The following WHR1 variants were observed in gnomAD, a reference collection of about 807,000 sequenced individuals.
The protein encoded by WHR1 is winged helix repair factor 1, also known as MHC class III HLA-RP1.
At chr6:31,972,692 C>T in the WHR1 span, 1 of 1,613,796 alleles carries the variant, frequency 6.2e-7, no homozygotes, top group Non-Finnish European at 8.5e-7. This position sits in a 1 kb window ranked among gnomAD's most constrained non-coding sequence, Gnocchi z 6.3. Flanking sequence ...CGCGCTGCCG[C>T]CCATCGTGCT....
chr6:31,976,036 G>A, the WHR1 span, among the ~76,000 whole-genome samples: 92 of 147,660 alleles, frequency 6.2e-4, 1 homozygote, highest in Non-Finnish European at 9.2e-4. Context: ...GGGCGGGGGG[G>A]GCTGACCCCA....
chr6:31,979,293 G>A, the WHR1 span: 6 of 1,319,272 alleles, frequency 4.5e-6, no homozygotes, highest in Non-Finnish European at 6.2e-6. Flanking sequence ...GAAGAAGAAG[G>A]GTATGAGAGG....
the WHR1 span, among the ~76,000 whole-genome samples, chr6:31,976,605 G>A: frequency 6.6e-6 from 1 of 152,102 alleles, no homozygotes; most frequent in Non-Finnish European, 1.5e-5. Context: ...GACGATGGGC[G>A]GCCAGGCAGA....
the WHR1 span, chr6:31,971,747 A>C: frequency 0.013 from 19,766 of 1,470,190 alleles, 178 homozygotes; most frequent in Non-Finnish European, 0.016. This position sits in a 1 kb window ranked among gnomAD's most constrained non-coding sequence, Gnocchi z 4.5. Context: ...TGACTGGTTT[A>C]GGACTAAGCG....
the WHR1 span, chr6:31,971,681 C>T: frequency 2.5e-6 from 4 of 1,599,298 alleles, no homozygotes; most frequent in Non-Finnish European, 2.5e-6. This position sits in a 1 kb window ranked among gnomAD's most constrained non-coding sequence, Gnocchi z 4.5. Flanking sequence ...TCCATGAGGT[C>T]CTAAGACAAG....
the WHR1 span, among the ~76,000 whole-genome samples, chr6:31,976,817 G>A: frequency 2.0e-4 from 30 of 152,362 alleles, no homozygotes; most frequent in African/African-American, 6.0e-4. Flanking sequence ...CGAGGCTGGC[G>A]GATCACTCGC....
At chr6:31,971,599 G>A in the WHR1 span, 1 of 1,613,492 alleles carries the variant, frequency 6.2e-7, no homozygotes, top group Non-Finnish European at 8.5e-7. This position sits in a 1 kb window ranked among gnomAD's most constrained non-coding sequence, Gnocchi z 4.5. Flanking sequence ...CAGAGAAGGT[G>A]CTGGACGAGG....
At chr6:31,976,784 G>A in the WHR1 span, among the ~76,000 whole-genome samples, 1 of 152,384 alleles carries the variant, frequency 6.6e-6, no homozygotes, top group South Asian at 2.1e-4. Flanking sequence ...GACACCGTCT[G>A]CAATCGCGGC....
At chr6:31,975,984 C>G in the WHR1 span, among the ~76,000 whole-genome samples, 2 of 139,778 alleles carry the variant, frequency 1.4e-5, no homozygotes. Context: ...TAGGGGCGGC[C>G]GGGCAGAGGC....
At chr6:31,978,324 G>T in the WHR1 span, among the ~76,000 whole-genome samples, 1 of 150,248 alleles carries the variant, frequency 6.7e-6, no homozygotes, top group Admixed American at 6.6e-5. Flanking sequence ...TGTGGCGGGT[G>T]GGGGGGTCTC....
chr6:31,979,046 G>C, the WHR1 span: 9 of 1,581,324 alleles, frequency 5.7e-6, 1 homozygote, highest in South Asian at 4.4e-5. Context: ...GCACAGGTTG[G>C]GGGAGACAGG....
the WHR1 span, chr6:31,972,171 C>A: frequency 6.2e-7 from 1 of 1,611,936 alleles, no homozygotes; most frequent in Non-Finnish European, 8.5e-7. This position sits in a 1 kb window ranked among gnomAD's most constrained non-coding sequence, Gnocchi z 6.3. Flanking sequence ...TTGGAGGGAG[C>A]CAATCCGCGG....
At chr6:31,972,166 G>A in the WHR1 span, 2 of 1,612,436 alleles carry the variant, frequency 1.2e-6, no homozygotes, top group Non-Finnish European at 8.5e-7. The surrounding 1 kb of genome is among the most constrained non-coding windows in gnomAD (Gnocchi z 6.3). Flanking sequence ...TGCCCTTGGA[G>A]GGAGCCAATC....
the WHR1 span, chr6:31,971,934 A>C: frequency 2.0e-4 from 313 of 1,546,518 alleles, no homozygotes; most frequent in Non-Finnish European, 2.5e-4. This position sits in a 1 kb window ranked among gnomAD's most constrained non-coding sequence, Gnocchi z 4.5. Context: ...GTTACCTCAA[A>C]GCTCCCCAAC....
chr6:31,979,416 C>A, the WHR1 span: 1 of 1,612,754 alleles, frequency 6.2e-7, no homozygotes, highest in South Asian at 1.1e-5. Flanking sequence ...GCTTGTAGGT[C>A]CTCAAGGCCT....
the WHR1 span, chr6:31,972,128 A>T: frequency 6.2e-7 from 1 of 1,612,786 alleles, no homozygotes; most frequent in Non-Finnish European, 8.5e-7. The surrounding 1 kb of genome is among the most constrained non-coding windows in gnomAD (Gnocchi z 6.3). Context: ...GCGCCCCTCC[A>T]CGCCGCCAAC....
chr6:31,979,683 G>T, the WHR1 span: 934,293 of 1,285,820 alleles, frequency 0.73, 344,962 homozygotes, highest in African/African-American at 0.92. Flanking sequence ...GACTCTTCTT[G>T]TTAATAAAAT....
At chr6:31,980,417 G>A in the WHR1 span, 1 of 1,574,410 alleles carries the variant, frequency 6.4e-7, no homozygotes, top group Non-Finnish European at 8.7e-7. Flanking sequence ...TCAGAGCCCA[G>A]CCCTCATCTC....
chr6:31,972,698 G>T, the WHR1 span: 5 of 1,613,698 alleles, frequency 3.1e-6, no homozygotes, highest in African/African-American at 4.0e-5. This position sits in a 1 kb window ranked among gnomAD's most constrained non-coding sequence, Gnocchi z 6.3. Context: ...GCCGCCCATC[G>T]TGCTGAGGAG....
Sources: allele counts gnomAD v4.1 joint callset (sites outside exome capture counted in the v4.1 genomes callset), GRCh38; gene constraint gnomAD v4.1.1; non-coding constraint Gnocchi (gnomAD v3.1); transcripts MANE v1.5; gene names NCBI Gene and HGNC (gene_info 2026-07-23, HGNC 2026-07-21).